The following PCID2 variants were observed in gnomAD, a reference collection of about 807,000 sequenced individuals.
PCID2 encodes PCI domain containing 2.
In PCID2, 41 loss-of-function variants were observed where a neutral mutation model predicts 61.3. The observed-to-expected ratio is 0.67, with a 90% CI of 0.52 to 0.87. The LOEUF (loss-of-function observed/expected upper bound fraction) is 0.87. Among genes scored for constraint, PCID2 ranks in the 40% least tolerant of loss-of-function variants. The pLI is 0.00. For missense variants in PCID2, 392 were observed against 493.4 expected (o/e 0.79, Z 1.95); for synonymous variants, 187 against 177.8 (o/e 1.05, Z -0.41).
At chr13:113,172,543 A>G (rs1334190632), downstream of PCID2, among the ~76,000 whole-genome samples, 2 of 152,136 alleles carry the variant, frequency 1.3e-5, no homozygotes, top group African/African-American at 2.4e-5. Flanking sequence ...TGGTTTACCA[A>G]TTGCCACTGT....
At chr13:113,200,262 C>T (rs1465154979) in intron 2 of PCID2, among the ~76,000 whole-genome samples, 165 bp downstream of exon 2, 1 of 152,244 alleles carries the variant, frequency 6.6e-6, no homozygotes, top group African/African-American at 2.4e-5. Flanking sequence ...ATAGTCAGTG[C>T]TCCACAAATG....
chr13:113,201,429 TA>T (rs1194173726), intron 1 of PCID2, among the ~76,000 whole-genome samples: 1 of 152,078 alleles, frequency 6.6e-6, no homozygotes. Context: ...GGGTGGAGAC[TA>T]GGAGACCCGG....
intron 9 of PCID2, among the ~76,000 whole-genome samples, chr13:113,183,287 CA>C (rs1461492410): frequency 6.6e-6 from 1 of 152,012 alleles, no homozygotes; most frequent in Non-Finnish European, 1.5e-5. Context: ...GACTATGTCG[CA>C]TCAATATTAA....
chr13:113,196,237 A>C lies in PCID2; in HGVS notation c.267-15T>G. The stretch of plus-strand genomic sequence containing the variant: ...GCAAGAATGATGTACTGTATTAAGG[A>C]AGATATGGCATACAAAGTTCAAATA... On this transcript the variant is annotated splice_polypyrimidine_tract_variant and intron_variant, in intron 4 of 13. Transcript: ENST00000337344. 1 of 1,573,892 alleles carries C rather than the reference A, an allele frequency of 6.4e-7. No homozygotes were observed.
rs753311600 is a variant in PCID2 at position 113,187,966 on chromosome 13, T to C, written c.468-2406A>G. 2.0e-5 allele frequency: 3 copies of C among 152,254 alleles called. No individual in the cohort carries two copies. In the South Asian group the frequency reaches 6.2e-4, roughly 31 times the overall value. The allele number at this position is 152,254 out of a possible 1,614,324, so 9.4% of individuals were successfully genotyped here. A position where few individuals can be genotyped will look rare whatever the true frequency, so the allele number is the denominator to read the frequency against. ...ATATACGATCAAGCGAAATGTCAAGTATTCATTTAGGAAACACGGATTGAG... is the reference window on the plus strand; with the variant it reads ...ATATACGATCAAGCGAAATGTCAAGCATTCATTTAGGAAACACGGATTGAG... On this transcript the variant is annotated intron_variant, in intron 7 of 13. Transcript: ENST00000337344.
chr13:113,208,236 G>A, intron 1 of PCID2: 1 of 1,469,710 alleles, frequency 6.8e-7, no homozygotes, highest in Non-Finnish European at 9.0e-7. Context: ...ATCCGACACA[G>A]CACCGCCCAC....
At chr13:113,176,145 C>T (rs4907593), downstream of PCID2, among the ~76,000 whole-genome samples, 107,704 of 152,230 alleles carry the variant, frequency 0.71, 38,860 homozygotes, top group Middle Eastern at 0.81. Flanking sequence ...GTGAGTCCTG[C>T]GCCGCGCGGC....
chr13:113,175,221 A>G (rs180821831), downstream of PCID2, among the ~76,000 whole-genome samples: 183 of 152,344 alleles, frequency 1.2e-3, 1 homozygote, highest in African/African-American at 4.3e-3. Context: ...ACGAACTGAC[A>G]GAGGCCTGAA....
downstream of PCID2, among the ~76,000 whole-genome samples, chr13:113,175,794 G>A (rs1172235771): frequency 6.6e-6 from 1 of 152,222 alleles, no homozygotes; most frequent in African/African-American, 2.4e-5. Context: ...GCAGTCCACG[G>A]CTGGAATCCG....
chr13:113,186,754 C>T (rs1011645580), intron 7 of PCID2: 3 of 152,042 alleles, frequency 2.0e-5, no homozygotes, highest in Admixed American at 2.0e-4. Context: ...AGCCTAGGAC[C>T]CACAGGCTGC....
At chr13:113,174,464 A>C (rs1451440475), downstream of PCID2, among the ~76,000 whole-genome samples, 2 of 152,168 alleles carry the variant, frequency 1.3e-5, no homozygotes, top group Non-Finnish European at 2.9e-5. Context: ...AAAACAGTAA[A>C]ACTCAAGAAA....
Position 113,177,583 on chromosome 13 carries a change from T to C in PCID2, c.*615A>G, listed in dbSNP as rs1420344268. ...GTATTTTCAATTTAAGATGGTTTTT[T>C]AAAAGAAATTTTTTTTTAACCAACA... On this transcript the variant is annotated 3_prime_UTR_variant, in exon 14 of 14. Coordinates refer to ENST00000337344, the MANE Select transcript of PCID2 (RefSeq NM_001127202.4). 2 of 152,226 alleles carry C rather than the reference T, an allele frequency of 1.3e-5. No homozygotes were observed. The highest frequency in any genetic ancestry group is 2.9e-5 in the Non-Finnish European group (2 of 68,038). 9.4% of individuals were successfully genotyped at this position (152,226 alleles called of 1,614,324 possible).
chr13:113,179,885 C>G lies in PCID2; in HGVS notation c.986+32G>C. The G allele has an allele frequency of 6.3e-7, 1 of 1,599,638 alleles. No individual in the cohort carries two copies. The highest frequency in any genetic ancestry group is 2.2e-5 in the East Asian group (1 of 44,468). On this transcript the variant is annotated intron_variant, in intron 12 of 13. Transcript: ENST00000337344. The surrounding 1 kb of genome is among the most constrained non-coding windows in gnomAD (Gnocchi z 4.3). Reference sequence around the variant, plus strand: ...TCTGACTGCTCTGCCGAGAGCCACACTGGGAGCCCAATGTGCCGGGGAAAT... The same window carrying G: ...TCTGACTGCTCTGCCGAGAGCCACAGTGGGAGCCCAATGTGCCGGGGAAAT...
At chr13:113,205,043 T>C (rs565254429) in intron 1 of PCID2, among the ~76,000 whole-genome samples, 32 of 152,172 alleles carry the variant, frequency 2.1e-4, no homozygotes, top group Middle Eastern at 3.2e-3. Context: ...GGAGGCACCA[T>C]CTACTCTTGG....
chr13:113,189,490 T>C (rs1255521291), intron 7 of PCID2, among the ~76,000 whole-genome samples: 1 of 152,212 alleles, frequency 6.6e-6, no homozygotes, highest in Non-Finnish European at 1.5e-5. Flanking sequence ...TAGTTTTTTG[T>C]TTATTTATAT....
chr13:113,175,106 G>T (rs947601167), downstream of PCID2, among the ~76,000 whole-genome samples: 1 of 152,150 alleles, frequency 6.6e-6, no homozygotes, highest in Non-Finnish European at 1.5e-5. Flanking sequence ...CGCCATGATT[G>T]TAAGTTTCCT....
the PCID2 span, among the ~76,000 whole-genome samples, chr13:113,165,535 G>C: frequency 6.6e-6 from 1 of 152,148 alleles, no homozygotes; most frequent in Non-Finnish European, 1.5e-5. Flanking sequence ...ATTTGTTTTT[G>C]GTTTGTTTTT....
intron 13 of PCID2, 53 bp from the exon 14 acceptor site, chr13:113,178,340 C>T (rs2037297874): frequency 3.8e-6 from 5 of 1,321,726 alleles, no homozygotes; most frequent in Admixed American, 3.4e-5. Flanking sequence ...TGAGTCATGT[C>T]AAAGATGCTG....
chr13:113,177,269 C>A (rs9577214), downstream of PCID2, among the ~76,000 whole-genome samples: 2,399 of 152,296 alleles, frequency 0.016, 166 homozygotes, highest in East Asian at 0.21. Context: ...TCCTGAGTAG[C>A]TGGAATTACA....
Sources: gnomAD v4.1 joint callset for allele counts (sites outside exome capture counted in the v4.1 genomes callset) on GRCh38, gnomAD v4.1.1 for gene constraint, Gnocchi (gnomAD v3.1) non-coding constraint, MANE v1.5 for transcripts, NCBI Gene and HGNC (gene_info 2026-07-23, HGNC 2026-07-21) for gene names.